Variants in CEL observed in about 807,000 individuals in gnomAD.
The protein encoded by CEL is carboxyl ester lipase, also known as bile salt-activated lipase.
In CEL, 39 loss-of-function variants were observed where a neutral mutation model predicts 57.1. The observed-to-expected ratio is 0.68, with a 90% confidence interval of 0.53 to 0.89. The LOEUF (loss-of-function observed/expected upper bound fraction) is 0.89, where lower values mean the gene tolerates loss of function less well. Among genes scored for constraint, CEL ranks in the 40% least tolerant of loss-of-function variants. CEL has a pLI of 0.00. For missense variants in CEL, 698 were observed against 915.0 expected, an observed-to-expected ratio of 0.76 and a Z score of 3.06; for synonymous variants, 314 against 396.6, an observed-to-expected ratio of 0.79 and a Z score of 2.48.
At chr9:133,063,993 C>A (rs367681196) in intron 1 of CEL, among the ~76,000 whole-genome samples, 1 of 152,152 alleles carries the variant, frequency 6.6e-6, no homozygotes, top group South Asian at 2.1e-4. Context: ...ACACTCCTCC[C>A]GGGAGCTGGA....
chr9:133,068,482 G>C (rs991134640), intron 7 of CEL, among the ~76,000 whole-genome samples, 190 bp from the exon 8 acceptor site: 5 of 151,544 alleles, frequency 3.3e-5, no homozygotes, highest in Admixed American at 2.0e-4. Context: ...CTCGTGGGTC[G>C]AGGCCGGGGA....
chr9:133,064,290 C>T (rs1830138158), intron 1 of CEL, 114 bp from the exon 2 acceptor site: 3 of 1,430,862 alleles, frequency 2.1e-6, no homozygotes, highest in Non-Finnish European at 2.9e-6. Flanking sequence ...CAGAGCTGTC[C>T]TGCTTTGAAG....
intron 7 of CEL, among the ~76,000 whole-genome samples, chr9:133,067,742 C>T (rs1174765402): frequency 3.3e-5 from 5 of 152,280 alleles, no homozygotes; most frequent in South Asian, 4.1e-4. Context: ...TTGGGGCCCC[C>T]TCCCCCACCT....
At chr9:133,063,617 C>T (rs1299414528) in intron 1 of CEL, among the ~76,000 whole-genome samples, 1 of 152,228 alleles carries the variant, frequency 6.6e-6, no homozygotes, top group East Asian at 1.9e-4. Flanking sequence ...GGAGGTGGCA[C>T]TGGGGCAGAC....
chr9:133,066,698 T>A lies in CEL; in HGVS notation c.669+38T>A, dbSNP rs749117929. On this transcript the variant is annotated intron_variant, in intron 5 of 10. Coordinates refer to ENST00000372080, the MANE Select transcript of CEL (RefSeq NM_001807.6). The surrounding 1 kb of genome is among the most constrained non-coding windows in gnomAD (Gnocchi z 4.3). ...CTGTGGGGAGGGCCTGCCCCACAGG[T>A]TGAGAGGAAGCTCAAACGGGAAGGG... is the stretch of plus-strand genomic sequence containing the variant. 6.2e-7 allele frequency: 1 copy of A among 1,608,874 alleles called. No homozygotes were observed. Among genetic ancestry groups the A allele is most frequent in the Non-Finnish European group, 8.5e-7 (1 of 1,176,744 alleles).
rs1830282905 is a variant in CEL, at chr9:133,071,843, A to G, written c.*79A>G. On this transcript the variant is annotated 3_prime_UTR_variant, in exon 11 of 11. Coordinates refer to ENST00000372080, the MANE Select transcript of CEL (RefSeq NM_001807.6). ...CCCTCCCATCTTGAGCTCTTCCTGAATAAAGCCTCATACCCCTGTCGGTGT... is the reference window on the plus strand; with the variant it reads ...CCCTCCCATCTTGAGCTCTTCCTGAGTAAAGCCTCATACCCCTGTCGGTGT... The G allele has an allele frequency of 7.8e-7, 1 of 1,280,112 alleles. No individual in the cohort carries two copies. The highest frequency in any genetic ancestry group is 1.5e-5 in the African/African-American group (1 of 68,074). 79.3% of individuals were successfully genotyped at this position (1,280,112 alleles called of 1,614,324 possible).
chr9:133,071,365 C>T lies in CEL; in HGVS notation c.1863C>T (p.Ser621=). The change falls in exon 11 of 11, where the codon TCC becomes TCT. Residue 621 remains serine, a synonymous_variant. Transcript: ENST00000372080. ...CCCCCGTGCCGCCCACGGGTGACTCCGGGGCCCCCCCCGTGCCGCCCACGG... is the reference window on the plus strand; with the variant it reads ...CCCCCGTGCCGCCCACGGGTGACTCTGGGGCCCCCCCCGTGCCGCCCACGG... ...GAPPVPPTGD[S]GAPPVPPTGD... is the part of the protein sequence containing the mutation. 3.3e-4 allele frequency: 8 copies of T among 24,432 alleles called. No individual in the cohort carries two copies. The highest frequency in any genetic ancestry group is 2.1e-3 in the South Asian group (4 of 1,910). The allele number at this position is 24,432 out of a possible 1,614,324, so 1.5% of individuals were successfully genotyped here.
rs1420367106 is a variant in CEL at position 133,066,586 on chromosome 9, G to A, written c.595G>A (p.Ala199Thr). The A allele has an allele frequency of 6.2e-6, 10 of 1,613,832 alleles. No homozygotes were observed. The highest frequency in any genetic ancestry group is 1.7e-5 in the Admixed American group (1 of 60,000). ...MAIAWVKRNIAAFGGDPNNIT... is the reference protein window; with the variant it reads ...MAIAWVKRNITAFGGDPNNIT... ...CATTGCTTGGGTGAAGAGGAATATC[G>A]CGGCCTTCGGGGGGGACCCCAACAA... is the stretch of plus-strand genomic sequence containing the variant. The change falls in exon 5 of 11, where the codon GCG (alanine) becomes ACG (threonine). Residue 199 changes from alanine to threonine, a missense_variant. Physicochemically the swap from Ala to Thr is moderately conservative, Grantham distance 58 (BLOSUM62 0). This residue lies in a region of CEL where 327 missense variants were observed against 374.1 expected (regional missense o/e 0.87). Coordinates refer to ENST00000372080, the MANE Select transcript of CEL (RefSeq NM_001807.6). This position sits in a 1 kb window ranked among gnomAD's most constrained non-coding sequence, Gnocchi z 4.3.
At position 133,071,037 on chromosome 9, in the gene CEL, C is replaced by T; in HGVS notation, c.1535C>T (p.Thr512Ile). Residue 512 changes from threonine to isoleucine, a missense_variant, in exon 11 of 11, where the codon ACT (threonine) becomes ATT (isoleucine). By Grantham distance (89) the Thr-to-Ile change is moderately conservative. Around this residue, in one of 6 missense-constraint regions of CEL, gnomAD observed 111 missense variants for 147.3 expected, o/e 0.75. Transcript: ENST00000372080. Reference protein sequence around the residue: ...SAVPTHWEPYTTENSGYLEIT... With the variant: ...SAVPTHWEPYITENSGYLEIT... ...GTGCCCACACACTGGGAACCCTACA[C>T]TACGGAAAACAGCGGCTACCTGGAG... The T allele has an allele frequency of 6.2e-7, 1 of 1,613,626 alleles. No individual in the cohort carries two copies. Among genetic ancestry groups the T allele is most frequent in the Non-Finnish European group, 8.5e-7 (1 of 1,179,868 alleles).
At chr9:133,065,887 T>C (rs1240925032) in intron 4 of CEL, among the ~76,000 whole-genome samples, 1 of 146,874 alleles carries the variant, frequency 6.8e-6, no homozygotes, top group East Asian at 2.0e-4. Context: ...GCGTGGTATC[T>C]CATGCCTCTG....
intron 9 of CEL, among the ~76,000 whole-genome samples, chr9:133,069,605 T>C (rs1194886543): frequency 1.1e-4 from 17 of 152,102 alleles, no homozygotes; most frequent in Admixed American, 9.8e-4. Context: ...CTGACTCTTA[T>C]GGGCCTCAAC....
intron 3 of CEL, 22 bp downstream of exon 3, chr9:133,064,784 C>T (rs1226281115): frequency 1.2e-6 from 2 of 1,613,706 alleles, no homozygotes; most frequent in Admixed American, 1.7e-5. Context: ...CTCTACTCCC[C>T]AAGGGACCCT....
chr9:133,063,248 G>C (rs1307659770), intron 1 of CEL, among the ~76,000 whole-genome samples: 1 of 152,184 alleles, frequency 6.6e-6, no homozygotes, highest in Non-Finnish European at 1.5e-5. Context: ...CCTTCGGCAG[G>C]TCATCACGAC....
chr9:133,071,213 G>T lies in CEL; in HGVS notation c.1711G>T (p.Val571Leu). 6.3e-7 allele frequency: 1 copy of T among 1,599,574 alleles called. No individual in the cohort carries two copies. Among genetic ancestry groups the T allele is most frequent in the Non-Finnish European group, 8.5e-7 (1 of 1,177,222 alleles). Residue 571 changes from valine to leucine, a missense_variant, in exon 11 of 11, where the codon GTG (valine) becomes TTG (leucine). Transcript: ENST00000372080. ...PPTGDSEATPVPPTGDSETAP... is the reference protein window; with the variant it reads ...PPTGDSEATPLPPTGDSETAP... ...CACAGGGGACTCCGAGGCCACTCCC[G>T]TGCCCCCCACGGGTGACTCCGAGAC...
At chr9:133,070,696 C>T (rs765767441) in intron 10 of CEL, 38 bp downstream of exon 10, 19 of 1,613,312 alleles carry the variant, frequency 1.2e-5, no homozygotes, top group Non-Finnish European at 1.5e-5. Context: ...AGGGCCACAG[C>T]CGAGAAGGGC....
rs1222858393 is a variant in CEL at position 133,071,162 on chromosome 9, G to A, written c.1660G>A (p.Asp554Asn). The stretch of plus-strand genomic sequence containing the variant: ...CTATCTGGCGCTGCCCACAGTGACC[G>A]ACCAGGAGGCCACCCCTGTGCCCCC... Reference protein sequence around the residue: ...LTYLALPTVTDQEATPVPPTG... With the variant: ...LTYLALPTVTNQEATPVPPTG... The change falls in exon 11 of 11, where the codon GAC (aspartate) becomes AAC (asparagine). Residue 554 changes from aspartate to asparagine, a missense_variant. Around this residue, in one of 6 missense-constraint regions of CEL, gnomAD observed 238 missense variants for 213.7 expected, o/e 1.11. Transcript: ENST00000372080. 5.6e-6 allele frequency: 9 copies of A among 1,607,848 alleles called. No individual in the cohort carries two copies. The highest frequency in any genetic ancestry group is 3.3e-5 in the Admixed American group (2 of 59,890).
intron 7 of CEL, among the ~76,000 whole-genome samples, chr9:133,068,066 T>C (rs534278204): frequency 4.9e-4 from 75 of 152,338 alleles, no homozygotes; most frequent in African/African-American, 1.2e-3. Context: ...TGAGCTCAAC[T>C]GCACGGGCTG....
In CEL at chr9:133,066,584, T is replaced by C. The variant is rs2119062536; in HGVS notation, c.593T>C (p.Ile198Thr). The C allele has an allele frequency of 1.2e-6, 2 of 1,613,874 alleles. No homozygotes were observed. Among genetic ancestry groups the C allele is most frequent in the Middle Eastern group, 1.6e-4 (1 of 6,062 alleles). ...HMAIAWVKRN[I>T]AAFGGDPNNI... The stretch of plus-strand genomic sequence containing the variant: ...GCCATTGCTTGGGTGAAGAGGAATA[T>C]CGCGGCCTTCGGGGGGGACCCCAAC... The change falls in exon 5 of 11, where the codon ATC becomes ACC. Residue 198 changes from isoleucine to threonine, a missense_variant. Around this residue, in one of 6 missense-constraint regions of CEL, gnomAD observed 327 missense variants for 374.1 expected, o/e 0.87. Coordinates refer to ENST00000372080, the MANE Select transcript of CEL (RefSeq NM_001807.6). The surrounding 1 kb of genome is among the most constrained non-coding windows in gnomAD (Gnocchi z 4.3).
rs755165969 is a variant in CEL, at chr9:133,067,135, C to G, written c.825C>G (p.Ala275=). The stretch of plus-strand genomic sequence containing the variant: ...CTGTGGGTGATGCCGCCAGGATGGC[C>G]CAGTGTCTGAAGGTTACTGATCCCC... ...GCPVGDAARM[A]QCLKVTDPRA... is the part of the protein sequence containing the mutation. Residue 275 remains alanine, a synonymous_variant, in exon 7 of 11, where the codon GCC becomes GCG. Coordinates refer to ENST00000372080, the MANE Select transcript of CEL (RefSeq NM_001807.6). 7.4e-6 allele frequency: 12 copies of G among 1,613,966 alleles called. No homozygotes were observed. In the East Asian group the frequency reaches 2.5e-4, roughly 33 times the overall value.
Sources: gnomAD v4.1 joint callset for allele counts (sites outside exome capture counted in the v4.1 genomes callset) on GRCh38, gnomAD v4.1.1 for gene constraint, gnomAD v4.1.1 regional missense constraint, Gnocchi (gnomAD v3.1) non-coding constraint, MANE v1.5 for transcripts, NCBI Gene and HGNC (gene_info 2026-07-23, HGNC 2026-07-21) for gene names.